Variants in ASTN2 observed in about 807,000 individuals in gnomAD.
ASTN2 encodes astrotactin 2.
Under a neutral mutation model 139.8 loss-of-function variants are expected in ASTN2, and 54 were observed. The ratio of observed to expected loss-of-function variants is 0.39; its 90% CI spans 0.31 to 0.48. The LOEUF (loss-of-function observed/expected upper bound fraction) is 0.48, where lower values mean the gene tolerates loss of function less well. Among genes scored for constraint, ASTN2 ranks in the 20% least tolerant of loss-of-function variants. ASTN2 has a pLI of 0.95. For synonymous variants in ASTN2, 756 were observed against 719.5 expected (o/e 1.05, Z -0.81); for missense variants, 1,565 against 1,725.1 (o/e 0.91, Z 1.64).
At chr9:116,984,608 CA>C (rs1836624014) in intron 7 of ASTN2, among the ~76,000 whole-genome samples, 1 of 151,882 alleles carries the variant, frequency 6.6e-6, no homozygotes, top group African/African-American at 2.4e-5. Flanking sequence ...TGGAGAGAGA[CA>C]AAGTCAATGA....
At chr9:117,086,780 G>A (rs1366554046) in intron 5 of ASTN2, among the ~76,000 whole-genome samples, 1 of 152,146 alleles carries the variant, frequency 6.6e-6, no homozygotes, top group Non-Finnish European at 1.5e-5. Context: ...TGAAGGCGCT[G>A]ATGCATTCAC....
chr9:116,443,911 C>A (rs1207192383), intron 20 of ASTN2, among the ~76,000 whole-genome samples: 1 of 152,168 alleles, frequency 6.6e-6, no homozygotes, highest in African/African-American at 2.4e-5. Flanking sequence ...ACGAAAAACA[C>A]TATGATTAGC....
intron 19 of ASTN2, among the ~76,000 whole-genome samples, chr9:116,580,965 A>C (rs1292262500): frequency 1.3e-5 from 2 of 150,550 alleles, no homozygotes; most frequent in East Asian, 2.0e-4. Flanking sequence ...CCAACAACAA[A>C]AAAAATCCTT....
At chr9:117,182,541 A>G (rs1180527953) in intron 3 of ASTN2, among the ~76,000 whole-genome samples, 1 of 152,170 alleles carries the variant, frequency 6.6e-6, no homozygotes, top group Non-Finnish European at 1.5e-5. Context: ...TAGAACAGAT[A>G]AGGTCCAAAT....
chr9:117,047,510 C>G (rs542921303), intron 5 of ASTN2, among the ~76,000 whole-genome samples: 20 of 152,256 alleles, frequency 1.3e-4, no homozygotes, highest in African/African-American at 4.6e-4. Context: ...TGTTCATCCA[C>G]TCTTATTTTC....
chr9:117,304,813 C>T (rs1587930382), intron 1 of ASTN2, among the ~76,000 whole-genome samples: 1 of 152,304 alleles, frequency 6.6e-6, no homozygotes, highest in Middle Eastern at 3.4e-3. Context: ...ACCATTCAGT[C>T]CAATTTAGGC....
At chr9:116,775,778 G>GAGGGAAGGAGA (rs1272746395) in intron 13 of ASTN2, among the ~76,000 whole-genome samples, 297 of 146,984 alleles carry the variant, frequency 2.0e-3, no homozygotes, top group African/African-American at 6.9e-3. Context: ...AAGGGGGAAG[G>GAGGGAAGGAGA]AGGGAAGGAG....
intron 16 of ASTN2, among the ~76,000 whole-genome samples, chr9:116,659,236 A>G (rs56358933): frequency 0.041 from 6,215 of 152,272 alleles, 414 homozygotes; most frequent in African/African-American, 0.14. Context: ...CAAATATACC[A>G]TAAGTTTCAT....
At chr9:116,502,472 A>G (rs1323167876) in intron 19 of ASTN2, among the ~76,000 whole-genome samples, 1 of 151,890 alleles carries the variant, frequency 6.6e-6, no homozygotes, top group Non-Finnish European at 1.5e-5. Context: ...AGATAAGAAC[A>G]CATAGGGCCA....
At chr9:116,624,009 A>G (rs1856311141) in intron 17 of ASTN2, among the ~76,000 whole-genome samples, 1 of 152,102 alleles carries the variant, frequency 6.6e-6, no homozygotes, top group African/African-American at 2.4e-5. Context: ...AAGTAGAGGG[A>G]CCTAAGAAAC....
chr9:116,661,977 C>T (rs1273757709), intron 16 of ASTN2, among the ~76,000 whole-genome samples: 1 of 150,254 alleles, frequency 6.7e-6, no homozygotes, highest in African/African-American at 2.5e-5. Flanking sequence ...CAAACCTGCA[C>T]ATTGTGTACA....
chr9:117,351,336 C>T (rs1189381564), intron 1 of ASTN2, among the ~76,000 whole-genome samples: 2 of 152,168 alleles, frequency 1.3e-5, no homozygotes, highest in African/African-American at 4.8e-5. Context: ...TTGTATTTCA[C>T]TTCTTCCTTT....
At chr9:117,153,062 T>C (rs1264706522) in intron 3 of ASTN2, among the ~76,000 whole-genome samples, 1 of 152,134 alleles carries the variant, frequency 6.6e-6, no homozygotes, top group Non-Finnish European at 1.5e-5. Context: ...GTACACTTCA[T>C]TGCCCCTTGA....
chr9:116,925,885 C>T (rs2132443430), intron 10 of ASTN2, among the ~76,000 whole-genome samples: 1 of 152,176 alleles, frequency 6.6e-6, no homozygotes. Flanking sequence ...CACACACACA[C>T]ACACATATAT....
At chr9:117,138,480 G>A (rs1011007925) in intron 4 of ASTN2, among the ~76,000 whole-genome samples, 10 of 152,212 alleles carry the variant, frequency 6.6e-5, no homozygotes, top group East Asian at 1.9e-4. Flanking sequence ...AATGATGTTC[G>A]AAAAGAGGGC....
At chr9:117,379,495 C>T (rs984869697) in intron 1 of ASTN2, among the ~76,000 whole-genome samples, 14 of 152,306 alleles carry the variant, frequency 9.2e-5, no homozygotes, top group Middle Eastern at 3.4e-3. Context: ...ACTGGAACTC[C>T]ACCCTTAATC....
intron 17 of ASTN2, among the ~76,000 whole-genome samples, chr9:116,643,067 A>C (rs1408698156): frequency 1.3e-5 from 2 of 152,164 alleles, no homozygotes; most frequent in Non-Finnish European, 2.9e-5. Context: ...CTGAAGTCTC[A>C]GGTTTTTGTT....
chr9:116,550,367 C>T (rs1852288185), intron 19 of ASTN2, among the ~76,000 whole-genome samples: 1 of 152,160 alleles, frequency 6.6e-6, no homozygotes, highest in African/African-American at 2.4e-5. Context: ...TTAAGTATTA[C>T]TAGCAATAAT....
At chr9:117,194,617 T>G (rs1399062526) in intron 3 of ASTN2, among the ~76,000 whole-genome samples, 1 of 152,220 alleles carries the variant, frequency 6.6e-6, no homozygotes, top group Non-Finnish European at 1.5e-5. Context: ...TAAACATAGC[T>G]CTAAGAGACT....
Sources: allele counts gnomAD v4.1 joint callset (sites outside exome capture counted in the v4.1 genomes callset), GRCh38; gene constraint gnomAD v4.1.1; transcripts MANE v1.5; gene names NCBI Gene and HGNC (gene_info 2026-07-23, HGNC 2026-07-21).